RNF8: variants seen among roughly 807,000 people sequenced by gnomAD.
The protein encoded by RNF8 is ring finger protein 8.
A neutral mutation model predicts 59.3 loss-of-function variants in RNF8; 8 were observed. That is an observed-to-expected ratio of 0.13 (90% CI 0.08 to 0.24). RNF8 has a LOEUF of 0.24. RNF8 is among the 10% of genes least tolerant of loss of function. RNF8 has a pLI of 1.00. For synonymous variants in RNF8, 162 were observed against 200.0 expected (o/e 0.81, Z 1.60); for missense variants, 406 against 572.6 (o/e 0.71, Z 2.97).
intron 6 of RNF8, among the ~76,000 whole-genome samples, chr6:37,378,877 T>G (rs940950710): frequency 6.6e-6 from 1 of 152,182 alleles, no homozygotes; most frequent in African/African-American, 2.4e-5. Context: ...AATGATGAGT[T>G]AGCCAACCTG....
At chr6:37,372,893 C>T (rs766819991) in intron 4 of RNF8, among the ~76,000 whole-genome samples, 4 of 152,106 alleles carry the variant, frequency 2.6e-5, no homozygotes, top group Admixed American at 6.5e-5. Flanking sequence ...CGCTTGAACC[C>T]GGGATGTGGA....
chr6:37,367,697 C>T (rs1311785267), intron 2 of RNF8, among the ~76,000 whole-genome samples: 1 of 152,180 alleles, frequency 6.6e-6, no homozygotes, highest in East Asian at 1.9e-4. Context: ...AGCTGCCACT[C>T]CCAGACAGTA....
At chr6:37,385,904 G>C (rs1409273998) in intron 7 of RNF8, among the ~76,000 whole-genome samples, 4 of 146,666 alleles carry the variant, frequency 2.7e-5, no homozygotes, top group African/African-American at 1.0e-4. Flanking sequence ...GCATGATCAC[G>C]GCTCACTGTA....
chr6:37,375,541 T>C (rs1769978727), intron 5 of RNF8, among the ~76,000 whole-genome samples: 1 of 152,168 alleles, frequency 6.6e-6, no homozygotes, highest in African/African-American at 2.4e-5. Flanking sequence ...ACCCCCTCCA[T>C]GTACCAACCT....
At position 37,369,085 on chromosome 6, in the gene RNF8, A is replaced by G; in HGVS notation, c.842A>G (p.Asn281Ser). The change falls in exon 3 of 8, where the codon AAC (asparagine) becomes AGC (serine). Residue 281 changes from asparagine to serine, a missense_variant. Coordinates refer to ENST00000373479, the MANE Select transcript of RNF8 (RefSeq NM_003958.4). ...GTGAAAAAGCAGACCCAAAAGGGGA[A>G]CTCAAAGAAAGTTGTGCAAATGGAG... ...MNVKKQTQKG[N>S]SKKVVQMEQE... 1.2e-6 allele frequency: 2 copies of G among 1,614,254 alleles called. No homozygotes were observed. Among genetic ancestry groups the G allele is most frequent in the South Asian group, 1.1e-5 (1 of 91,088 alleles).
At chr6:37,359,166 A>G (rs1769225153) in intron 1 of RNF8, 2 of 446,656 alleles carry the variant, frequency 4.5e-6, no homozygotes, top group East Asian at 7.0e-5. Context: ...GAAGAATTTC[A>G]TTTCCTTCCT....
chr6:37,379,738 T>C (rs558122842), intron 6 of RNF8, among the ~76,000 whole-genome samples: 15 of 152,242 alleles, frequency 9.9e-5, no homozygotes, highest in Non-Finnish European at 1.9e-4. Context: ...CTATATTATT[T>C]TACTTTTTTA....
At chr6:37,367,445 C>G (rs892345139) in intron 2 of RNF8, among the ~76,000 whole-genome samples, 26 of 152,014 alleles carry the variant, frequency 1.7e-4, no homozygotes, top group Admixed American at 7.9e-4. Context: ...GCTCTGTCAC[C>G]CAGGCTGGAG....
intron 2 of RNF8, among the ~76,000 whole-genome samples, chr6:37,366,364 CAGAT>C (rs1769554222): frequency 6.6e-6 from 1 of 152,168 alleles, no homozygotes; most frequent in South Asian, 2.1e-4. Flanking sequence ...AAATTGTTCT[CAGAT>C]AGATTGTTCT....
intron 4 of RNF8, among the ~76,000 whole-genome samples, chr6:37,374,201 T>A (rs868024145): frequency 1.6e-4 from 25 of 152,352 alleles, no homozygotes; most frequent in Non-Finnish European, 3.2e-4. Context: ...TGCTTCCAGT[T>A]CTGAATAGCT....
chr6:37,355,782 C>G (rs1056820229), intron 1 of RNF8, among the ~76,000 whole-genome samples: 2 of 152,198 alleles, frequency 1.3e-5, no homozygotes, highest in African/African-American at 4.8e-5. Context: ...TTAGCTTGAG[C>G]ACTGATCTTT....
Position 37,369,132 on chromosome 6 carries a change from T to G in RNF8, c.889T>G (p.Ser297Ala), listed in dbSNP as rs745605574. 6.2e-7 allele frequency: 1 copy of G among 1,614,100 alleles called. No homozygotes were observed. The highest frequency in any genetic ancestry group is 2.2e-5 in the East Asian group (1 of 44,888). The change falls in exon 3 of 8, where the codon TCC becomes GCC. Residue 297 changes from serine to alanine, a missense_variant. This residue lies in a region of RNF8 where 285 missense variants were observed against 342.0 expected (regional missense o/e 0.83). Coordinates refer to ENST00000373479, the MANE Select transcript of RNF8 (RefSeq NM_003958.4). The stretch of plus-strand genomic sequence containing the variant: ...GGAGCAGGAACTTCAGGACTTACAG[T>G]CCCAGCTGTGTGCAGAGCAGGCTCA... ...QMEQELQDLQ[S>A]QLCAEQAQQQ... is the part of the protein sequence containing the mutation.
At position 37,374,628 on chromosome 6, in the gene RNF8, T is replaced by A; in HGVS notation, c.1047T>A (p.Ala349=). 1 of 1,613,866 alleles carries A rather than the reference T, an allele frequency of 6.2e-7. No homozygotes were observed. The highest frequency in any genetic ancestry group is 8.5e-7 in the Non-Finnish European group (1 of 1,179,800). Residue 349 remains alanine (A), a synonymous_variant, in exon 5 of 8, where the codon GCT becomes GCA. Coordinates refer to ENST00000373479, the MANE Select transcript of RNF8 (RefSeq NM_003958.4). ...QLAQALQEHW[A]LMEELNRSKK... ...CTGCTATGTTTTTGCAGCATTGGGCTCTAATGGAAGAGCTAAATCGCAGCA... is the reference window on the plus strand; with the variant it reads ...CTGCTATGTTTTTGCAGCATTGGGCACTAATGGAAGAGCTAAATCGCAGCA...
rs771390175 is a variant in RNF8 at position 37,381,187 on chromosome 6, A to T, written c.1274A>T (p.Tyr425Phe). The change falls in exon 7 of 8, where the codon TAC becomes TTC. Residue 425 changes from tyrosine to phenylalanine, a missense_variant. Coordinates refer to ENST00000373479, the MANE Select transcript of RNF8 (RefSeq NM_003958.4). ...AACTGTGCCCACAGTTTCTGCTCCTACTGTATCAATGAATGGATGAAGCGG... is the reference window on the plus strand; with the variant it reads ...AACTGTGCCCACAGTTTCTGCTCCTTCTGTATCAATGAATGGATGAAGCGG... ...TLNCAHSFCS[Y>F]CINEWMKRKI... The T allele has an allele frequency of 6.2e-7, 1 of 1,614,180 alleles. No individual in the cohort carries two copies. The highest frequency in any genetic ancestry group is 1.7e-5 in the Admixed American group (1 of 60,022).
intron 6 of RNF8, among the ~76,000 whole-genome samples, chr6:37,379,477 C>T (rs1770164421): frequency 6.6e-6 from 1 of 151,936 alleles, no homozygotes; most frequent in African/African-American, 2.4e-5. Context: ...TTTTGAGCCT[C>T]AGAAAAAGTT....
At chr6:37,373,751 T>TA (rs1769898752) in intron 4 of RNF8, among the ~76,000 whole-genome samples, 1 of 152,194 alleles carries the variant, frequency 6.6e-6, no homozygotes, top group South Asian at 2.1e-4. Context: ...AAAATACACA[T>TA]ATCTAATTAG....
At chr6:37,390,634 A>AT in intron 7 of RNF8, 108 bp from the exon 8 acceptor site, 1 of 751,180 alleles carries the variant, frequency 1.3e-6, no homozygotes, top group South Asian at 1.6e-5. Flanking sequence ...TCAGTTCGCT[A>AT]TGGCTGCTGT....
At chr6:37,371,943 A>C (rs1311013588) in intron 4 of RNF8, among the ~76,000 whole-genome samples, 1 of 152,182 alleles carries the variant, frequency 6.6e-6, no homozygotes, top group Non-Finnish European at 1.5e-5. Flanking sequence ...CTGTTACCGC[A>C]ATGTTCCTGA....
intron 4 of RNF8, among the ~76,000 whole-genome samples, chr6:37,373,764 T>C (rs1769899071): frequency 6.6e-6 from 1 of 152,216 alleles, no homozygotes; most frequent in African/African-American, 2.4e-5. Flanking sequence ...CTAATTAGTG[T>C]GTCAAGTTGA....
Sources: gnomAD v4.1 joint callset for allele counts (sites outside exome capture counted in the v4.1 genomes callset) on GRCh38, gnomAD v4.1.1 for gene constraint, gnomAD v4.1.1 regional missense constraint, MANE v1.5 for transcripts, NCBI Gene and HGNC (gene_info 2026-07-23, HGNC 2026-07-21) for gene names.